The following ZNF420 variants were observed in gnomAD, a reference collection of about 807,000 sequenced individuals.
ZNF420 encodes ATM and p53-associated KZNF protein.
In ZNF420, 31 loss-of-function variants were observed where a neutral mutation model predicts 44.7. The observed-to-expected ratio is 0.69, with a 90% CI of 0.52 to 0.94. ZNF420 has a LOEUF of 0.94. Ranked by LOEUF, ZNF420 falls within the 40% of genes least tolerant of loss-of-function variation. ZNF420 has a pLI of 0.00. For synonymous variants in ZNF420, 245 were observed against 267.4 expected, an observed-to-expected ratio of 0.92 and a Z score of 0.82; for missense variants, 681 against 827.9, an observed-to-expected ratio of 0.82 and a Z score of 2.18.
chr19:37,104,434 T>C (rs1331922724), intron 4 of ZNF420, among the ~76,000 whole-genome samples: 3 of 152,152 alleles, frequency 2.0e-5, no homozygotes, highest in East Asian at 1.9e-4. Flanking sequence ...TGAATAGTGC[T>C]GCAATAAACA....
At chr19:37,110,586 T>G (rs1002867818) in intron 4 of ZNF420, among the ~76,000 whole-genome samples, 72 of 152,230 alleles carry the variant, frequency 4.7e-4, no homozygotes, top group Admixed American at 1.9e-3. Flanking sequence ...CTGGTTTAAC[T>G]GATCATCCAT....
intron 1 of ZNF420, among the ~76,000 whole-genome samples, chr19:37,037,041 G>A (rs1178646066): frequency 6.6e-6 from 1 of 152,158 alleles, no homozygotes; most frequent in African/African-American, 2.4e-5. Flanking sequence ...GTCCTCACTT[G>A]AGAAGCCTTG....
At chr19:37,079,422 C>G (rs1305884658) in intron 1 of ZNF420, among the ~76,000 whole-genome samples, 1 of 152,126 alleles carries the variant, frequency 6.6e-6, no homozygotes, top group East Asian at 1.9e-4. Context: ...TGTGCTCCTC[C>G]CATGTGGCTC....
intron 4 of ZNF420, chr19:37,106,820 C>A (rs550702408): frequency 6.0e-4 from 91 of 152,230 alleles, no homozygotes; most frequent in African/African-American, 2.2e-3. Context: ...TCTCTACCAT[C>A]TCGGAGAGGG....
intron 4 of ZNF420, among the ~76,000 whole-genome samples, chr19:37,116,124 T>C (rs963490307): frequency 1.3e-5 from 2 of 152,102 alleles, no homozygotes; most frequent in African/African-American, 2.4e-5. Context: ...TCTTTCTACA[T>C]AGACACAGTA....
intron 1 of ZNF420, among the ~76,000 whole-genome samples, chr19:37,073,145 TAC>T (rs1968086987): frequency 6.6e-6 from 1 of 152,010 alleles, no homozygotes; most frequent in Non-Finnish European, 1.5e-5. Context: ...AGTTCAAGGT[TAC>T]CATGAGCCAT....
intron 4 of ZNF420, among the ~76,000 whole-genome samples, chr19:37,118,061 C>G (rs1053278646): frequency 6.6e-6 from 1 of 152,198 alleles, no homozygotes; most frequent in Non-Finnish European, 1.5e-5. Context: ...AGGATATTAT[C>G]CAGGAGAACT....
chr19:37,042,276 CG>C (rs1455190866), intron 1 of ZNF420, among the ~76,000 whole-genome samples: 5 of 152,196 alleles, frequency 3.3e-5, no homozygotes, highest in South Asian at 4.1e-4. Flanking sequence ...GGATTACAGG[CG>C]TGAGCCACTG....
At chr19:37,099,594 G>A (rs1293752289) in intron 4 of ZNF420, among the ~76,000 whole-genome samples, 1 of 152,064 alleles carries the variant, frequency 6.6e-6, no homozygotes, top group African/African-American at 2.4e-5. Context: ...TGCATAGTTT[G>A]TGAATATTTT....
At chr19:37,061,110 G>A (rs532562831) in intron 1 of ZNF420, among the ~76,000 whole-genome samples, 12 of 152,154 alleles carry the variant, frequency 7.9e-5, no homozygotes, top group Non-Finnish European at 1.5e-4. Flanking sequence ...TCCGGAACAT[G>A]CCTGGACACC....
chr19:37,061,161 C>G (rs1026525063), intron 1 of ZNF420, among the ~76,000 whole-genome samples: 1 of 152,198 alleles, frequency 6.6e-6, no homozygotes, highest in African/African-American at 2.4e-5. Context: ...CTCTGTGACA[C>G]ACATTCACAG....
At chr19:37,027,572 T>C (rs1967180035) in intron 1 of ZNF420, among the ~76,000 whole-genome samples, 1 of 152,210 alleles carries the variant, frequency 6.6e-6, no homozygotes, top group African/African-American at 2.4e-5. Flanking sequence ...GCTCCACCTA[T>C]TCATCCTTCC....
intron 4 of ZNF420, chr19:37,092,236 A>G (rs578260484): frequency 1.3e-5 from 2 of 152,268 alleles, no homozygotes; most frequent in East Asian, 3.9e-4. Flanking sequence ...AGTGGTGTGG[A>G]AAAAAACCTA....
intron 1 of ZNF420, among the ~76,000 whole-genome samples, chr19:37,021,096 A>C (rs1354906118): frequency 1.3e-5 from 2 of 152,208 alleles, no homozygotes; most frequent in African/African-American, 4.8e-5. Context: ...CAAAATCATG[A>C]GCAAAAGACG....
At chr19:37,020,878 G>A (rs12151215) in intron 1 of ZNF420, among the ~76,000 whole-genome samples, 1 of 152,184 alleles carries the variant, frequency 6.6e-6, no homozygotes, top group Non-Finnish European at 1.5e-5. Flanking sequence ...GTTGGCAGGG[G>A]TTGGGGGAAT....
intron 4 of ZNF420, among the ~76,000 whole-genome samples, chr19:37,110,687 TTA>T (rs111334385): frequency 0.011 from 1,624 of 152,314 alleles, 32 homozygotes; most frequent in African/African-American, 0.037. Flanking sequence ...GATCAAAATC[TTA>T]TAACACTGTA....
chr19:37,012,841 C>CT (rs1462805170), intron 1 of ZNF420, among the ~76,000 whole-genome samples: 3 of 147,566 alleles, frequency 2.0e-5, no homozygotes, highest in Non-Finnish European at 3.0e-5. Flanking sequence ...ATCTCTGTCT[C>CT]TGTTTCTGTC....
chr19:37,094,163 G>C (rs1412833783), intron 4 of ZNF420, among the ~76,000 whole-genome samples: 3 of 152,062 alleles, frequency 2.0e-5, no homozygotes, highest in Non-Finnish European at 4.4e-5. Flanking sequence ...GATAACCACT[G>C]CACTGTGGTA....
At chr19:37,018,761 G>C (rs2074625677) in intron 1 of ZNF420, among the ~76,000 whole-genome samples, 2 of 151,928 alleles carry the variant, frequency 1.3e-5, no homozygotes, top group Non-Finnish European at 2.9e-5. Flanking sequence ...GTAGAGGCGG[G>C]GTTTCACCAT....
Sources: allele counts gnomAD v4.1 joint callset (sites outside exome capture counted in the v4.1 genomes callset), GRCh38; gene constraint gnomAD v4.1.1; transcripts MANE v1.5; gene names NCBI Gene and HGNC (gene_info 2026-07-23, HGNC 2026-07-21).